The following CNTN5 variants were observed in gnomAD, a reference collection of about 807,000 sequenced individuals.
CNTN5 encodes contactin 5, also known as contactin-5.
In CNTN5, 77 loss-of-function variants were observed where a neutral mutation model predicts 129.1. The observed-to-expected ratio is 0.60, with a 90% confidence interval of 0.50 to 0.72. The LOEUF is 0.72. Among genes scored for constraint, CNTN5 ranks in the 30% least tolerant of loss-of-function variants. The pLI is 0.00. For synonymous variants in CNTN5, 509 were observed against 465.6 expected, an observed-to-expected ratio of 1.09 and a Z score of -1.20; for missense variants, 1,478 against 1,328.8, an observed-to-expected ratio of 1.11 and a Z score of -1.75.
intron 21 of CNTN5, among the ~76,000 whole-genome samples, chr11:100,329,087 G>A (rs1004083650): frequency 7.2e-5 from 11 of 152,196 alleles, no homozygotes; most frequent in South Asian, 2.1e-4. Flanking sequence ...GGAGGGGGGC[G>A]TGGTGGGAGT....
chr11:99,259,358 A>C (rs984354391), intron 1 of CNTN5, among the ~76,000 whole-genome samples: 1 of 151,860 alleles, frequency 6.6e-6, no homozygotes, highest in Non-Finnish European at 1.5e-5. Flanking sequence ...TAATATTAAT[A>C]TATTCACATG....
chr11:99,612,100 T>A (rs1950608295), intron 3 of CNTN5, among the ~76,000 whole-genome samples: 1 of 152,194 alleles, frequency 6.6e-6, no homozygotes, highest in Admixed American at 6.6e-5. Flanking sequence ...GCAATAAGAA[T>A]TTCTGAGTCT....
At position 99,680,685 on chromosome 11, in the gene CNTN5, G is replaced by A. The variant is rs573947154; in HGVS notation, c.55+124416G>A. Among the ~76,000 whole-genome samples, 16 of 151,778 alleles carry A rather than the reference G, an allele frequency of 1.1e-4. No homozygotes were observed. The South Asian group carries it at 2.7e-3, about 26-fold the overall frequency. On this transcript the variant is annotated intron_variant, in intron 3 of 24. Coordinates refer to ENST00000524871, the MANE Select transcript of CNTN5 (RefSeq NM_014361.4). ...CCATGAATCTTGAATGTTCTTAATG[G>A]CATCTAGAGTGGTGAATCCTTATCA...
intron 2 of CNTN5, among the ~76,000 whole-genome samples, chr11:99,552,285 T>C (rs1591267015): frequency 6.6e-6 from 1 of 151,976 alleles, no homozygotes; most frequent in African/African-American, 2.4e-5. Flanking sequence ...CAATAATTAT[T>C]ATCTAAAAAA....
At chr11:99,302,757 T>C (rs542843303) in intron 1 of CNTN5, among the ~76,000 whole-genome samples, 2 of 151,920 alleles carry the variant, frequency 1.3e-5, no homozygotes, top group Admixed American at 6.6e-5. Context: ...GTATGTGAAA[T>C]ATATCTCAAT....
chr11:99,609,292 G>T (rs1950525547), intron 3 of CNTN5, among the ~76,000 whole-genome samples: 1 of 152,116 alleles, frequency 6.6e-6, no homozygotes, highest in African/African-American at 2.4e-5. Context: ...AGAGATAAGT[G>T]GCAAGCAATT....
intron 21 of CNTN5, among the ~76,000 whole-genome samples, chr11:100,326,313 GA>G (rs1267650484): frequency 1.3e-5 from 2 of 151,818 alleles, no homozygotes; most frequent in African/African-American, 4.8e-5. Context: ...AGGAATAACA[GA>G]AAAAAAGTGA....
chr11:100,246,178 G>A (rs933103489), intron 16 of CNTN5, among the ~76,000 whole-genome samples: 1 of 152,114 alleles, frequency 6.6e-6, no homozygotes, highest in East Asian at 1.9e-4. Context: ...ACAGACTAGT[G>A]AGAGGCCCAG....
At chr11:100,318,585 T>A (rs759440465) in intron 21 of CNTN5, among the ~76,000 whole-genome samples, 8 of 152,162 alleles carry the variant, frequency 5.3e-5, no homozygotes, top group Non-Finnish European at 1.0e-4. Flanking sequence ...AAAATTATTT[T>A]ATTTTACAAA....
chr11:99,134,220 G>A (rs1859104562), intron 1 of CNTN5, among the ~76,000 whole-genome samples: 1 of 152,004 alleles, frequency 6.6e-6, no homozygotes, highest in African/African-American at 2.4e-5. Context: ...AATGGACACA[G>A]GCAGGAGAAC....
intron 6 of CNTN5, among the ~76,000 whole-genome samples, chr11:99,896,234 C>T (rs1013874917): frequency 2.0e-5 from 3 of 152,176 alleles, no homozygotes; most frequent in African/African-American, 7.2e-5. Context: ...GCCTTCACTG[C>T]TCTCTGCCAA....
chr11:100,147,628 A>T (rs1263755734), intron 13 of CNTN5, among the ~76,000 whole-genome samples: 1 of 152,032 alleles, frequency 6.6e-6, no homozygotes, highest in Admixed American at 6.6e-5. Context: ...GTCAAAAAAA[A>T]TGCGTGTATT....
chr11:99,840,481 T>G (rs1947450896), intron 4 of CNTN5, among the ~76,000 whole-genome samples: 1 of 151,736 alleles, frequency 6.6e-6, no homozygotes, highest in South Asian at 2.1e-4. Flanking sequence ...TAGCAGAGAA[T>G]AAACAGATTA....
At position 99,175,958 on chromosome 11, in the gene CNTN5, A is replaced by G. The variant is rs543207816; in HGVS notation, c.-209-149388A>G. 5.3e-4 allele frequency among the ~76,000 whole-genome samples: 80 copies of G among 152,304 alleles called. 1 individual carries two copies. Among genetic ancestry groups the G allele is most frequent in the African/African-American group, 1.8e-3 (73 of 41,562 alleles). ...TTGGTTTCAGTGATACTACACCACA[A>G]CTCAAGACACTATTATCTCAAGTCC... On this transcript the variant is annotated intron_variant, in intron 1 of 24. Coordinates refer to ENST00000524871, the MANE Select transcript of CNTN5 (RefSeq NM_014361.4).
At chr11:99,700,269 A>G (rs1226862564) in intron 3 of CNTN5, among the ~76,000 whole-genome samples, 2 of 151,452 alleles carry the variant, frequency 1.3e-5, no homozygotes, top group Non-Finnish European at 3.0e-5. Flanking sequence ...CTTAAAGTAG[A>G]GTACTCGGTC....
chr11:99,241,610 A>G (rs1342878631), intron 1 of CNTN5, among the ~76,000 whole-genome samples: 1 of 151,958 alleles, frequency 6.6e-6, no homozygotes, highest in Non-Finnish European at 1.5e-5. Context: ...ATTTTTTTAA[A>G]CATTGGCTGT....
chr11:99,108,450 G>A (rs765789696), intron 1 of CNTN5, among the ~76,000 whole-genome samples: 1 of 152,094 alleles, frequency 6.6e-6, no homozygotes, highest in Non-Finnish European at 1.5e-5. Flanking sequence ...TTAAGGTTAG[G>A]TCTTTATTTC....
At chr11:99,102,829 T>C in intron 1 of CNTN5, among the ~76,000 whole-genome samples, 1 of 152,136 alleles carries the variant, frequency 6.6e-6, no homozygotes, top group East Asian at 1.9e-4. Context: ...GCTTCTACAT[T>C]TTCAGGTATC....
At position 99,796,970 on chromosome 11, in the gene CNTN5, C is replaced by T. The variant is rs183648563; in HGVS notation, c.56-22574C>T. ...TCCTCACCTGCTCAATTCACTCCAT[C>T]CCTAGGAGTCTTTGGGTGCCAGGAA... On this transcript the variant is annotated intron_variant, in intron 3 of 24. Transcript: ENST00000524871. Among the ~76,000 whole-genome samples, 571 of 152,174 alleles carry T rather than the reference C, an allele frequency of 3.8e-3. 7 individuals carry two copies. The highest frequency in any genetic ancestry group is 0.012 in the African/African-American group (508 of 41,522).
Sources: allele counts gnomAD v4.1 joint callset (sites outside exome capture counted in the v4.1 genomes callset), GRCh38; gene constraint gnomAD v4.1.1; transcripts MANE v1.5; gene names NCBI Gene and HGNC (gene_info 2026-07-23, HGNC 2026-07-21).